Variants in DUS2 observed in about 807,000 individuals in gnomAD.
DUS2 encodes the protein dihydrouridine synthase 2.
In DUS2, 52 loss-of-function variants were observed where a neutral mutation model predicts 71.3. The ratio of observed to expected loss-of-function variants is 0.73; its 90% CI spans 0.58 to 0.92. DUS2 has a LOEUF of 0.92. Among genes scored for constraint, DUS2 ranks in the 40% least tolerant of loss-of-function variants. The probability of loss-of-function intolerance (pLI) is 0.00; values close to 1 mark genes in which losing one functional copy is unlikely to be tolerated. For missense variants in DUS2, 558 were observed against 622.6 expected (o/e 0.90, Z 1.10); for synonymous variants, 204 against 227.8 (o/e 0.90, Z 0.94).
intron 4 of DUS2, among the ~76,000 whole-genome samples, chr16:68,050,556 G>A (rs917694758): frequency 1.3e-5 from 2 of 152,098 alleles, no homozygotes; most frequent in African/African-American, 4.8e-5. Flanking sequence ...ATCAGAGAGA[G>A]GAATAATGTA....
At chr16:68,034,339 C>T (rs2033486019) in intron 2 of DUS2, among the ~76,000 whole-genome samples, 1 of 152,180 alleles carries the variant, frequency 6.6e-6, no homozygotes, top group Non-Finnish European at 1.5e-5. Flanking sequence ...ACCATGGCCT[C>T]CTTAGTGCTA....
chr16:68,056,425 G>A lies in DUS2; in HGVS notation c.369+1G>A. 6.2e-7 allele frequency: 1 copy of A among 1,612,340 alleles called. No individual in the cohort carries two copies. Among genetic ancestry groups the A allele is most frequent in the African/African-American group, 1.3e-5 (1 of 74,938 alleles). Reference sequence around the variant, plus strand: ...CTGTCCAAAACAATATTCCACCAAGGTAAACTGGTTTCTTTATACTCCTCA... The same window carrying A: ...CTGTCCAAAACAATATTCCACCAAGATAAACTGGTTTCTTTATACTCCTCA... On this transcript the variant is annotated splice_donor_variant, in intron 7 of 16. Transcript: ENST00000565263. LOFTEE classifies it high-confidence loss of function.
chr16:68,029,777 T>C (rs866558516), intron 2 of DUS2, among the ~76,000 whole-genome samples: 4 of 151,912 alleles, frequency 2.6e-5, no homozygotes, highest in Non-Finnish European at 5.9e-5. Flanking sequence ...AAGATAATTC[T>C]GTAAATACTT....
At chr16:68,052,196 G>A (rs780301725) in intron 4 of DUS2, among the ~76,000 whole-genome samples, 14 of 151,882 alleles carry the variant, frequency 9.2e-5, no homozygotes, top group Non-Finnish European at 1.8e-4. Context: ...GTGAGCCACC[G>A]CACCCAGCCA....
intron 8 of DUS2, among the ~76,000 whole-genome samples, chr16:68,062,444 G>T (rs2033952491): frequency 6.6e-6 from 1 of 152,060 alleles, no homozygotes; most frequent in African/African-American, 2.4e-5. Flanking sequence ...AGTAGGCCGG[G>T]CGTGGTGGCT....
chr16:68,055,102 CAT>C (rs1035369785), intron 6 of DUS2, among the ~76,000 whole-genome samples: 11 of 151,900 alleles, frequency 7.2e-5, no homozygotes, highest in Non-Finnish European at 1.5e-5. Context: ...GCCTGGGACT[CAT>C]GTGTACCTAC....
intron 2 of DUS2, among the ~76,000 whole-genome samples, chr16:68,027,233 C>T (rs1352229167): frequency 2.6e-5 from 4 of 151,424 alleles, no homozygotes; most frequent in Admixed American, 2.0e-4. Flanking sequence ...GGTCCATTAA[C>T]TTCTTGTTTT....
chr16:68,061,247 C>T (rs936469773), intron 8 of DUS2, 134 bp downstream of exon 8: 5 of 920,726 alleles, frequency 5.4e-6, no homozygotes, highest in Non-Finnish European at 6.6e-6. Flanking sequence ...TAGCGATTTC[C>T]AAAAAATTTT....
intron 7 of DUS2, among the ~76,000 whole-genome samples, chr16:68,057,578 T>C (rs1041448504): frequency 6.6e-6 from 1 of 151,406 alleles, no homozygotes; most frequent in Non-Finnish European, 1.5e-5. Context: ...ATAAAAATTT[T>C]CAAAAGTTTA....
At chr16:68,031,965 G>A (rs2033447247) in intron 2 of DUS2, among the ~76,000 whole-genome samples, 1 of 152,240 alleles carries the variant, frequency 6.6e-6, no homozygotes, top group African/African-American at 2.4e-5. Flanking sequence ...AAAGTGCTGG[G>A]ATTATAGGCA....
intron 12 of DUS2, among the ~76,000 whole-genome samples, chr16:68,072,169 G>A (rs2034096719): frequency 6.6e-6 from 1 of 152,204 alleles, no homozygotes; most frequent in Non-Finnish European, 1.5e-5. Context: ...TGTTTCCATG[G>A]CTGTGCAAGC....
Position 68,066,652 on chromosome 16 carries a change from T to C in DUS2, c.554+16T>C, listed in dbSNP as rs1370068983. 2 of 1,612,526 alleles carry C rather than the reference T, an allele frequency of 1.2e-6. No individual in the cohort carries two copies. Among genetic ancestry groups the C allele is most frequent in the Non-Finnish European group, 1.7e-6 (2 of 1,178,594 alleles). ...TTCATGGGAGGTGAGTGGTCACCTT[T>C]CTAGTGACTGGCAGGGAGGTCCTAA... is the stretch of plus-strand genomic sequence containing the variant. On this transcript the variant is annotated intron_variant, in intron 10 of 16. Coordinates refer to ENST00000565263, the MANE Select transcript of DUS2 (RefSeq NM_017803.5).
At chr16:68,056,760 C>G (rs1021026107) in intron 7 of DUS2, among the ~76,000 whole-genome samples, 1 of 148,956 alleles carries the variant, frequency 6.7e-6, no homozygotes, top group Non-Finnish European at 1.5e-5. Context: ...CACACACACT[C>G]ATATATCACA....
intron 14 of DUS2, among the ~76,000 whole-genome samples, chr16:68,075,737 G>A (rs185102734): frequency 1.1e-4 from 16 of 152,000 alleles, no homozygotes; most frequent in Non-Finnish European, 1.5e-5. Context: ...CTGATTTACC[G>A]CCTCCCACAA....
intron 8 of DUS2, among the ~76,000 whole-genome samples, chr16:68,064,939 T>TC (rs879448246): frequency 2.0e-5 from 3 of 152,148 alleles, no homozygotes; most frequent in Non-Finnish European, 4.4e-5. Flanking sequence ...CACCTAGATA[T>TC]CCCCCTGCTC....
chr16:68,033,718 A>ATC (rs1369016986), intron 2 of DUS2, among the ~76,000 whole-genome samples: 7 of 143,682 alleles, frequency 4.9e-5, no homozygotes, highest in Middle Eastern at 4.6e-3. Flanking sequence ...AGCTCACTTC[A>ATC]TCTCCTGGGT....
At chr16:68,037,866 C>T (rs933530128) in intron 2 of DUS2, 140 bp from the exon 3 acceptor site, 1 of 878,336 alleles carries the variant, frequency 1.1e-6, no homozygotes, top group Admixed American at 2.9e-5. Context: ...AAAACAAAAA[C>T]AATCAAACAT....
At chr16:68,056,942 TTA>T (rs2033862409) in intron 7 of DUS2, among the ~76,000 whole-genome samples, 1 of 142,216 alleles carries the variant, frequency 7.0e-6, no homozygotes, top group Non-Finnish European at 1.5e-5. Flanking sequence ...ATATATGTAA[TTA>T]TATGTAATCT....
At position 68,072,067 on chromosome 16, in the gene DUS2, G is replaced by A. The variant is rs377222031; in HGVS notation, c.810+959G>A. On this transcript the variant is annotated intron_variant, in intron 12 of 16. Transcript: ENST00000565263. ...AGTGAATTGGGTCTGAACAGAGGGT[G>A]CAGTCTTTGCCCAGAGCAGAGTTCC... 2.0e-5 allele frequency among the ~76,000 whole-genome samples: 3 copies of A among 152,354 alleles called. No individual in the cohort carries two copies. In the East Asian group the frequency reaches 5.8e-4, roughly 29 times the overall value.
Sources: gnomAD v4.1 joint callset for allele counts (sites outside exome capture counted in the v4.1 genomes callset) on GRCh38, gnomAD v4.1.1 for gene constraint, MANE v1.5 for transcripts, NCBI Gene and HGNC (gene_info 2026-07-23, HGNC 2026-07-21) for gene names.